ABCA10: variants seen among roughly 807,000 people sequenced by gnomAD.
ABCA10 encodes ATP-binding cassette sub-family A member 10.
In ABCA10, 169 loss-of-function variants were observed where a neutral mutation model predicts 187.5. The ratio of observed to expected loss-of-function variants is 0.90; its 90% CI spans 0.80 to 1.02. The LOEUF is 1.02. Among genes scored for constraint, ABCA10 ranks in the 50% least tolerant of loss-of-function variants. The pLI, the probability that ABCA10 is intolerant of heterozygous loss-of-function variation, is 0.00. For synonymous variants in ABCA10, 574 were observed against 601.8 expected (o/e 0.95, Z 0.68); for missense variants, 1,727 against 1,812.4 (o/e 0.95, Z 0.86).
chr17:69,231,950 T>C (rs2074834873), upstream of ABCA10, among the ~76,000 whole-genome samples: 1 of 152,166 alleles, frequency 6.6e-6, no homozygotes, highest in East Asian at 1.9e-4. Context: ...TACATATGTA[T>C]TTATAATTAT....
intron 37 of ABCA10, 25 bp from the exon 38 acceptor site, chr17:69,149,113 G>A (rs2074109573): frequency 6.2e-7 from 1 of 1,612,980 alleles, no homozygotes; most frequent in Non-Finnish European, 8.5e-7. Flanking sequence ...ACTGACATTA[G>A]TGGCTTATAT....
intron 22 of ABCA10, among the ~76,000 whole-genome samples, chr17:69,179,910 G>T (rs1420659595): frequency 6.6e-6 from 1 of 152,098 alleles, no homozygotes; most frequent in Non-Finnish European, 1.5e-5. Flanking sequence ...AGTAAACCCA[G>T]CATACATTCA....
chr17:69,193,404 A>G (rs1185286266), intron 14 of ABCA10, 89 bp downstream of exon 14: 27 of 1,520,076 alleles, frequency 1.8e-5, no homozygotes, highest in Non-Finnish European at 2.4e-5. Context: ...TTTCCCTCAC[A>G]TTTGGTAATT....
Position 69,153,994 on chromosome 17 carries a change from T to G in ABCA10, c.3802A>C (p.Ser1268Arg). The G allele has an allele frequency of 1.2e-6, 2 of 1,613,794 alleles. No homozygotes were observed. The highest frequency in any genetic ancestry group is 1.7e-6 in the Non-Finnish European group (2 of 1,179,834). ...PTAGVVVLQG[S>R]RASVRQQHDN... ...TGCTGTTGCCTTACTGATGCTCTGCTGCCTTGTAACACCACCTGCACAAGA... is the reference window on the plus strand; with the variant it reads ...TGCTGTTGCCTTACTGATGCTCTGCGGCCTTGTAACACCACCTGCACAAGA... The change falls in exon 32 of 39, where the codon AGC (serine) becomes CGC (arginine). Residue 1268 changes from serine to arginine, a missense_variant. By Grantham distance (110) the Ser-to-Arg change is moderately radical (BLOSUM62 -1). Transcript: ENST00000690296.
chr17:69,232,022 T>G (rs1245109567), upstream of ABCA10, among the ~76,000 whole-genome samples: 1 of 152,088 alleles, frequency 6.6e-6, no homozygotes, highest in South Asian at 2.1e-4. Flanking sequence ...CATTTTAAAG[T>G]TTTGGTTATT....
At chr17:69,184,330 T>C (rs1047837917) in intron 20 of ABCA10, among the ~76,000 whole-genome samples, 1 of 152,050 alleles carries the variant, frequency 6.6e-6, no homozygotes, top group Non-Finnish European at 1.5e-5. Flanking sequence ...TGAATACTTA[T>C]CCAGGCGACC....
chr17:69,202,769 T>C (rs2074556993), intron 9 of ABCA10, among the ~76,000 whole-genome samples: 1 of 65,672 alleles, frequency 1.5e-5, no homozygotes, highest in African/African-American at 8.2e-5. Context: ...GGCTTGACAG[T>C]TAAATGGACA....
chr17:69,164,124 C>T lies in ABCA10; in HGVS notation c.3313G>A (p.Asp1105Asn). 6.3e-7 allele frequency: 1 copy of T among 1,587,626 alleles called. No individual in the cohort carries two copies. Among genetic ancestry groups the T allele is most frequent in the Admixed American group, 1.9e-5 (1 of 53,808 alleles). Residue 1105 changes from aspartate to asparagine, a missense_variant, in exon 27 of 39, where the codon GAC becomes AAC. Transcript: ENST00000690296. The stretch of plus-strand genomic sequence containing the variant: ...TTATTGACTTCATTTATTCTATTGT[C>T]CAGACTGTCCAAGTTTCTCATAAAG... ...LDFMRNLDSL[D>N]NRINEVNKTI...
chr17:69,204,520 CA>C (rs1341853538), intron 9 of ABCA10, among the ~76,000 whole-genome samples: 2 of 152,206 alleles, frequency 1.3e-5, no homozygotes, highest in Non-Finnish European at 2.9e-5. Flanking sequence ...TCTAATTTGA[CA>C]ACCCTAGAAC....
In ABCA10 at chr17:69,209,687, C is replaced by T. The variant is rs183484905; in HGVS notation, c.1006+5017G>A. ...TTATGGAGCTAAATAAGTACAGTCA[C>T]GTGTCACTGAACAATGGGGATACCT... On this transcript the variant is annotated intron_variant, in intron 9 of 38. Coordinates refer to ENST00000690296, the MANE Select transcript of ABCA10 (RefSeq NM_001377321.1). 2.9e-3 allele frequency among the ~76,000 whole-genome samples: 423 copies of T among 146,996 alleles called. 2 individuals carry two copies. The highest frequency in any genetic ancestry group is 0.011 in the African/African-American group (412 of 39,144).
intron 6 of ABCA10, among the ~76,000 whole-genome samples, chr17:69,217,847 T>G (rs1255335277): frequency 6.6e-6 from 1 of 152,134 alleles, no homozygotes; most frequent in Non-Finnish European, 1.5e-5. Flanking sequence ...ATTATATCAT[T>G]TTATTATTTA....
chr17:69,243,046 C>T (rs1012243036), intron 1 of ABCA10, among the ~76,000 whole-genome samples: 5 of 152,166 alleles, frequency 3.3e-5, no homozygotes, highest in Non-Finnish European at 7.3e-5. Flanking sequence ...TTGATAGATA[C>T]CCCTTGATCA....
chr17:69,177,132 T>G (rs759561470), intron 22 of ABCA10, among the ~76,000 whole-genome samples: 2 of 152,204 alleles, frequency 1.3e-5, no homozygotes, highest in African/African-American at 2.4e-5. Flanking sequence ...TACTTGGGTA[T>G]ACTCTGCTTT....
At chr17:69,164,911 T>C in intron 26 of ABCA10, 53 bp downstream of exon 26, 1 of 1,566,618 alleles carries the variant, frequency 6.4e-7, no homozygotes, top group Non-Finnish European at 8.7e-7. Context: ...GTAAGGATTT[T>C]ATTAATGGGC....
rs974774251 is a variant in ABCA10 at position 69,193,405 on chromosome 17, T to C, written c.1641+88A>G. The C allele has an allele frequency of 5.3e-6, 8 of 1,519,024 alleles. No homozygotes were observed. In the African/African-American group the frequency reaches 1.1e-4, roughly 21 times the overall value. 94.1% of individuals were successfully genotyped at this position (1,519,024 alleles called of 1,614,324 possible). A position where few individuals can be genotyped will look rare whatever the true frequency, so the allele number is the denominator to read the frequency against. The stretch of plus-strand genomic sequence containing the variant: ...ACTTTATTATAAATTTTCCCTCACA[T>C]TTGGTAATTACAGTAGAAGTTGGAC... On this transcript the variant is annotated intron_variant, in intron 14 of 38. Coordinates refer to ENST00000690296, the MANE Select transcript of ABCA10 (RefSeq NM_001377321.1).
In ABCA10 at chr17:69,225,500, T is replaced by C; in HGVS notation, c.-142A>G. On this transcript the variant is annotated 5_prime_UTR_variant, in exon 3 of 39. Transcript: ENST00000690296. ...AGTGTTCCGAAAAGATGCACAAATA[T>C]AGCCCTAGAAACAATGTTATTGTCC... The C allele has an allele frequency of 7.1e-6, 5 of 702,684 alleles. No homozygotes were observed. The highest frequency in any genetic ancestry group is 1.2e-5 in the Non-Finnish European group (5 of 415,800). 43.5% of individuals were successfully genotyped at this position (702,684 alleles called of 1,614,324 possible).
intron 9 of ABCA10, among the ~76,000 whole-genome samples, chr17:69,210,374 A>G: frequency 6.7e-6 from 1 of 149,946 alleles, no homozygotes; most frequent in East Asian, 2.0e-4. Context: ...TATTTTTAGT[A>G]GAGACGGGGT....
Position 69,221,871 on chromosome 17 carries a change from T to C in ABCA10, c.224A>G (p.Glu75Gly). The change falls in exon 5 of 39, where the codon GAA becomes GGA. Residue 75 changes from glutamate (E) to glycine (G), a missense_variant. By Grantham distance (98) the Glu-to-Gly change is moderately conservative (BLOSUM62 -2). Coordinates refer to ENST00000690296, the MANE Select transcript of ABCA10 (RefSeq NM_001377321.1). Reference protein sequence around the residue: ...YTEHCWAMHGEIFCYLAKYWL... With the variant: ...YTEHCWAMHGGIFCYLAKYWL... ...GTACTTTGCCAAGTAACAAAAAATTTCACCATGCATGGCCCAACAGTGTTC... is the reference window on the plus strand; with the variant it reads ...GTACTTTGCCAAGTAACAAAAAATTCCACCATGCATGGCCCAACAGTGTTC... 1 of 1,613,102 alleles carries C rather than the reference T, an allele frequency of 6.2e-7. No individual in the cohort carries two copies.
chr17:69,167,214 G>T (rs527953456), intron 25 of ABCA10, among the ~76,000 whole-genome samples: 1 of 152,070 alleles, frequency 6.6e-6, no homozygotes, highest in African/African-American at 2.4e-5. Context: ...GCAACAAAGC[G>T]GTCTGCTTGC....
Sources: gnomAD v4.1 joint callset for allele counts (sites outside exome capture counted in the v4.1 genomes callset) on GRCh38, gnomAD v4.1.1 for gene constraint, MANE v1.5 for transcripts, NCBI Gene and HGNC (gene_info 2026-07-23, HGNC 2026-07-21) for gene names.